RYR2: variants seen among roughly 807,000 people sequenced by gnomAD.
The protein encoded by RYR2 is cardiac muscle ryanodine receptor-calcium release channel.
Under a neutral mutation model 601.1 loss-of-function variants are expected in RYR2, and 227 were observed. The observed-to-expected ratio is 0.38, with a 90% CI of 0.34 to 0.42. The LOEUF (loss-of-function observed/expected upper bound fraction) is 0.42, where lower values mean the gene tolerates loss of function less well. Among genes scored for constraint, RYR2 ranks in the 10% least tolerant of loss-of-function variants. The probability of loss-of-function intolerance (pLI) is 1.00; values close to 1 mark genes in which losing one functional copy is unlikely to be tolerated. For synonymous variants in RYR2, 2,223 were observed against 2,175.1 expected (o/e 1.02, Z -0.61); for missense variants, 4,646 against 6,156.5 (o/e 0.75, Z 8.21).
chr1:237,578,448 G>T (rs1353118381), intron 29 of RYR2, among the ~76,000 whole-genome samples: 1 of 152,120 alleles, frequency 6.6e-6, no homozygotes, highest in Non-Finnish European at 1.5e-5. Flanking sequence ...CAACTCCCTA[G>T]TGTTTGATTG....
intron 10 of RYR2, among the ~76,000 whole-genome samples, chr1:237,405,285 G>A (rs962498319): frequency 6.6e-6 from 1 of 152,186 alleles, no homozygotes; most frequent in Non-Finnish European, 1.5e-5. Flanking sequence ...TGGAAAGAGT[G>A]GTATCCTGGA....
At chr1:237,638,128 A>G (rs1681068175) in intron 44 of RYR2, among the ~76,000 whole-genome samples, 1 of 151,936 alleles carries the variant, frequency 6.6e-6, no homozygotes. Context: ...TTATAGTAGG[A>G]TCATAAATAT....
chr1:237,569,146 C>T lies in RYR2; in HGVS notation c.3425C>T (p.Ala1142Val), dbSNP rs772148152. 2 of 1,611,494 alleles carry T rather than the reference C, an allele frequency of 1.2e-6. No homozygotes were observed. The highest frequency in any genetic ancestry group is 1.1e-5 in the South Asian group (1 of 90,668). Residue 1142 changes from alanine (A) to valine (V), a missense_variant and splice_region_variant, in exon 29 of 105, where the codon GCC becomes GTC. Ala to Val is a moderately conservative substitution (Grantham distance 64). Transcript: ENST00000366574. ...ERAFAFDGFK[A>V]QRWHQGNEHY... ...GGGACTTTTCTGTCCTCTGTATAGG[C>T]CCAGCGGTGGCATCAGGGCAATGAA...
chr1:237,666,661 C>T (rs568132981), intron 57 of RYR2, 72 bp downstream of exon 57: 16 of 1,195,320 alleles, frequency 1.3e-5, no homozygotes, highest in East Asian at 1.3e-4. Flanking sequence ...TGCTTTCCTG[C>T]ATATATTTGG....
At chr1:237,082,516 T>C (rs1289037973) in intron 1 of RYR2, among the ~76,000 whole-genome samples, 3 of 116,386 alleles carry the variant, frequency 2.6e-5, no homozygotes, top group Non-Finnish European at 5.3e-5. Context: ...TTCTTTCAAA[T>C]AGGAAAACAT....
intron 1 of RYR2, among the ~76,000 whole-genome samples, chr1:237,253,304 G>A (rs1371139830): frequency 4.6e-5 from 7 of 152,150 alleles, no homozygotes; most frequent in African/African-American, 1.7e-4. Context: ...CTGGGGTCAT[G>A]CCACTAGACC....
At chr1:237,232,301 T>TA (rs1685084324) in intron 1 of RYR2, among the ~76,000 whole-genome samples, 1 of 152,058 alleles carries the variant, frequency 6.6e-6, no homozygotes, top group African/African-American at 2.4e-5. Context: ...GTCTGAAGGT[T>TA]AAGTTGATCA....
intron 24 of RYR2, among the ~76,000 whole-genome samples, chr1:237,519,498 G>A (rs1198628402): frequency 6.6e-6 from 1 of 152,110 alleles, no homozygotes; most frequent in Admixed American, 6.5e-5. Flanking sequence ...TCTGCATATG[G>A]CCATCCAGTT....
At chr1:237,674,870 A>G (rs1172335046) in intron 60 of RYR2, 24 bp downstream of exon 60, 2 of 1,269,406 alleles carry the variant, frequency 1.6e-6, no homozygotes, top group South Asian at 2.5e-5. Flanking sequence ...TCCCATTGCT[A>G]ATAGCCCAGT....
At chr1:237,690,618 T>C (rs1336636247) in intron 63 of RYR2, among the ~76,000 whole-genome samples, 1 of 152,114 alleles carries the variant, frequency 6.6e-6, no homozygotes, top group Non-Finnish European at 1.5e-5. Context: ...TCCCAGCACT[T>C]TGGGAGGCCA....
intron 1 of RYR2, among the ~76,000 whole-genome samples, chr1:237,175,508 G>T (rs1157626362): frequency 6.6e-6 from 1 of 151,786 alleles, no homozygotes; most frequent in Non-Finnish European, 1.5e-5. Flanking sequence ...CTACCTATAT[G>T]CTCATACTTG....
At chr1:237,208,986 G>GTATATATATATTATATATA (rs1325820873) in intron 1 of RYR2, among the ~76,000 whole-genome samples, 4 of 86,392 alleles carry the variant, frequency 4.6e-5, no homozygotes, top group African/African-American at 1.9e-4. Flanking sequence ...ATATATATAT[G>GTATATATATATTATATATA]TATACTGTAA....
intron 1 of RYR2, among the ~76,000 whole-genome samples, chr1:237,091,114 A>G (rs1040130963): frequency 6.6e-6 from 1 of 152,172 alleles, no homozygotes. Context: ...GTTGAATTAG[A>G]TGGTTAACTT....
intron 101 of RYR2, among the ~76,000 whole-genome samples, chr1:237,821,974 G>T (rs1662558006): frequency 6.6e-6 from 1 of 151,808 alleles, no homozygotes; most frequent in Admixed American, 6.6e-5. Context: ...CAAGATTAGA[G>T]AAAAAAGAGT....
Position 237,446,149 on chromosome 1 carries a change from A to G in RYR2, c.1292+627A>G, listed in dbSNP as rs188353698. Among the ~76,000 whole-genome samples, 145 of 152,234 alleles carry G rather than the reference A, an allele frequency of 9.5e-4. 1 individual carries two copies. Among genetic ancestry groups the G allele is most frequent in the African/African-American group, 3.4e-3 (142 of 41,550 alleles). The stretch of plus-strand genomic sequence containing the variant: ...TTTCAATGAGGGCAGTGAAGCCTAT[A>G]TAGCTGCGGAGTTTTGATATGTATT... On this transcript the variant is annotated intron_variant, in intron 14 of 104. Coordinates refer to ENST00000366574, the MANE Select transcript of RYR2 (RefSeq NM_001035.3).
chr1:237,111,774 G>T (rs907396295), intron 1 of RYR2, among the ~76,000 whole-genome samples: 1 of 152,156 alleles, frequency 6.6e-6, no homozygotes, highest in Non-Finnish European at 1.5e-5. Context: ...GAGATTTGGA[G>T]GTCAGACAAA....
intron 13 of RYR2, among the ~76,000 whole-genome samples, chr1:237,444,175 C>T (rs968217499): frequency 2.0e-5 from 3 of 152,106 alleles, no homozygotes; most frequent in Non-Finnish European, 4.4e-5. Flanking sequence ...TATTTATCAT[C>T]ACAAGGAATC....
intron 14 of RYR2, among the ~76,000 whole-genome samples, chr1:237,452,454 A>G (rs1196919252): frequency 2.1e-5 from 3 of 145,936 alleles, no homozygotes; most frequent in East Asian, 4.0e-4. Context: ...AATATACTAT[A>G]TCAGCATATA....
chr1:237,341,538 C>T (rs1229603235), intron 3 of RYR2: 1 of 438,440 alleles, frequency 2.3e-6, no homozygotes, highest in Non-Finnish European at 4.7e-6. Context: ...TGTTTATTGC[C>T]TTCCTATCCC....
Sources: allele counts gnomAD v4.1 joint callset (sites outside exome capture counted in the v4.1 genomes callset), GRCh38; gene constraint gnomAD v4.1.1; transcripts MANE v1.5; gene names NCBI Gene and HGNC (gene_info 2026-07-23, HGNC 2026-07-21).